The following PARD3B variants were observed in gnomAD, a reference collection of about 807,000 sequenced individuals.
The protein encoded by PARD3B is par-3 family cell polarity regulator beta, also known as partitioning defective 3 homolog B.
PARD3B carries 103 observed loss-of-function variants against 130.2 expected under a neutral mutation model. That is an observed-to-expected ratio of 0.79 (90% CI 0.67 to 0.93). PARD3B has a LOEUF of 0.93. PARD3B is among the 40% of genes least tolerant of loss of function. The probability of loss-of-function intolerance (pLI) is 0.00; values close to 1 mark genes in which losing one functional copy is unlikely to be tolerated. For missense variants in PARD3B, 1,609 were observed against 1,499.2 expected, an observed-to-expected ratio of 1.07 and a Z score of -1.21; for synonymous variants, 583 against 553.2, an observed-to-expected ratio of 1.05 and a Z score of -0.76.
Position 204,752,886 on chromosome 2 carries a change from C to T in PARD3B, c.222+66604C>T, listed in dbSNP as rs572857047. 3.9e-5 allele frequency among the ~76,000 whole-genome samples: 6 copies of T among 152,254 alleles called. No individual in the cohort carries two copies. The South Asian group carries it at 8.3e-4, about 21-fold the overall frequency. The stretch of plus-strand genomic sequence containing the variant: ...AGCCGTCAATCCTGTAAACCACCTA[C>T]GACATCCCACAGTGTACTATACAGG... On this transcript the variant is annotated intron_variant, in intron 2 of 22. Coordinates refer to ENST00000406610, the MANE Select transcript of PARD3B (RefSeq NM_001302769.2).
chr2:204,919,092 A>G (rs918788395), intron 2 of PARD3B, among the ~76,000 whole-genome samples: 5 of 152,002 alleles, frequency 3.3e-5, no homozygotes, highest in African/African-American at 1.2e-4. Context: ...ATTGAACTTT[A>G]TTTGCTTTAT....
At chr2:204,557,262 G>A (rs2030989054) in intron 1 of PARD3B, among the ~76,000 whole-genome samples, 1 of 152,060 alleles carries the variant, frequency 6.6e-6, no homozygotes, top group Non-Finnish European at 1.5e-5. Flanking sequence ...ATGTCCCACA[G>A]ACAATTCAAG....
intron 22 of PARD3B, 47 bp downstream of exon 22, chr2:205,553,450 G>T: frequency 6.4e-7 from 1 of 1,560,294 alleles, no homozygotes; most frequent in Non-Finnish European, 8.8e-7. Context: ...TACAAATGAA[G>T]TCTTTAGAGA....
At chr2:204,840,581 T>C (rs1177374538) in intron 2 of PARD3B, among the ~76,000 whole-genome samples, 1 of 152,024 alleles carries the variant, frequency 6.6e-6, no homozygotes, top group Admixed American at 6.5e-5. Flanking sequence ...CAACTCTCCA[T>C]AGAACTGGAA....
At chr2:205,475,488 C>T (rs944826428) in intron 20 of PARD3B, among the ~76,000 whole-genome samples, 2 of 152,180 alleles carry the variant, frequency 1.3e-5, no homozygotes, top group Admixed American at 6.6e-5. Flanking sequence ...TGGGCTTCAT[C>T]ATCGCAGAGA....
intron 2 of PARD3B, among the ~76,000 whole-genome samples, chr2:204,932,556 G>T (rs892625996): frequency 6.6e-6 from 1 of 152,042 alleles, no homozygotes; most frequent in Admixed American, 6.6e-5. Flanking sequence ...AAGTATATTT[G>T]TTGATTCAAA....
chr2:204,748,416 C>T (rs1028915045), intron 2 of PARD3B, among the ~76,000 whole-genome samples: 23 of 152,142 alleles, frequency 1.5e-4, no homozygotes, highest in Non-Finnish European at 3.2e-4. Flanking sequence ...TAATGTCCTG[C>T]TATGACCTCG....
intron 1 of PARD3B, among the ~76,000 whole-genome samples, chr2:204,609,735 T>C (rs996967445): frequency 6.6e-6 from 1 of 152,148 alleles, no homozygotes; most frequent in Non-Finnish European, 1.5e-5. Flanking sequence ...AGAGAATAGA[T>C]GATAAATGTC....
intron 3 of PARD3B, among the ~76,000 whole-genome samples, chr2:204,993,872 T>C (rs1373089122): frequency 6.6e-6 from 1 of 151,692 alleles, no homozygotes; most frequent in Non-Finnish European, 1.5e-5. Context: ...TGCGTAGAGG[T>C]GTTTGTAGTA....
chr2:205,168,918 G>A (rs10184784), intron 11 of PARD3B, among the ~76,000 whole-genome samples: 25,689 of 152,074 alleles, frequency 0.17, 2,306 homozygotes, highest in Middle Eastern at 0.23. Flanking sequence ...AACTTGGGCT[G>A]TTCTGTTCCA....
chr2:205,542,241 C>T (rs1347279707), intron 21 of PARD3B, among the ~76,000 whole-genome samples: 1 of 141,628 alleles, frequency 7.1e-6, no homozygotes, highest in Non-Finnish European at 1.5e-5. Context: ...ATAAGAAGGA[C>T]AAGATAAACC....
At chr2:205,215,519 G>A (rs1047107270) in intron 15 of PARD3B, among the ~76,000 whole-genome samples, 1 of 152,002 alleles carries the variant, frequency 6.6e-6, no homozygotes, top group African/African-American at 2.4e-5. Flanking sequence ...AATTGGAAAA[G>A]TATATGACAA....
chr2:205,049,916 G>A (rs554873033), intron 4 of PARD3B, among the ~76,000 whole-genome samples: 5 of 152,112 alleles, frequency 3.3e-5, no homozygotes, highest in Non-Finnish European at 7.4e-5. Flanking sequence ...GACCCAAAAA[G>A]GAGAGTCTGG....
intron 1 of PARD3B, among the ~76,000 whole-genome samples, chr2:204,554,664 A>T (rs999983585): frequency 1.3e-5 from 2 of 151,922 alleles, no homozygotes; most frequent in African/African-American, 4.8e-5. Context: ...AGACTCCCAC[A>T]TTACTGTCTC....
intron 15 of PARD3B, among the ~76,000 whole-genome samples, chr2:205,206,214 T>TC (rs1486901706): frequency 2.1e-5 from 3 of 141,396 alleles, no homozygotes; most frequent in African/African-American, 7.9e-5. Flanking sequence ...CTTTTTTTTT[T>TC]TCTTTTTTTT....
chr2:204,985,065 A>G (rs1693015927), intron 3 of PARD3B, among the ~76,000 whole-genome samples: 1 of 152,096 alleles, frequency 6.6e-6, no homozygotes, highest in African/African-American at 2.4e-5. Flanking sequence ...TTCAATGGTA[A>G]TATTGTAGGC....
intron 2 of PARD3B, among the ~76,000 whole-genome samples, chr2:204,707,069 TG>T (rs952029964): frequency 6.6e-6 from 1 of 152,188 alleles, no homozygotes; most frequent in Admixed American, 6.5e-5. Context: ...AGGATTTTTT[TG>T]AGCAGGGGAG....
chr2:204,564,521 T>C (rs2031550928), intron 1 of PARD3B, among the ~76,000 whole-genome samples: 1 of 152,154 alleles, frequency 6.6e-6, no homozygotes, highest in Non-Finnish European at 1.5e-5. Flanking sequence ...ATATTTATCA[T>C]ATTATAAATC....
At chr2:205,411,031 T>A (rs1289812447) in intron 19 of PARD3B, among the ~76,000 whole-genome samples, 2 of 152,190 alleles carry the variant, frequency 1.3e-5, no homozygotes, top group East Asian at 3.8e-4. Flanking sequence ...TTCTCAACTT[T>A]GGGTGATTCT....
Sources: allele counts gnomAD v4.1 joint callset (sites outside exome capture counted in the v4.1 genomes callset), GRCh38; gene constraint gnomAD v4.1.1; transcripts MANE v1.5; gene names NCBI Gene and HGNC (gene_info 2026-07-23, HGNC 2026-07-21).